Variants in CRPPA observed in about 807,000 individuals in gnomAD.
The protein encoded by CRPPA is D-ribitol-5-phosphate cytidylyltransferase.
Under a neutral mutation model 52.0 loss-of-function variants are expected in CRPPA, and 43 were observed. The ratio of observed to expected loss-of-function variants is 0.83; its 90% CI spans 0.65 to 1.07. The LOEUF (loss-of-function observed/expected upper bound fraction) is 1.07, where lower values mean the gene tolerates loss of function less well. Ranked by LOEUF, CRPPA falls within the 50% of genes least tolerant of loss-of-function variation. CRPPA has a pLI of 0.00. For synonymous variants in CRPPA, 250 were observed against 203.5 expected, an observed-to-expected ratio of 1.23 and a Z score of -1.94; for missense variants, 629 against 551.7, an observed-to-expected ratio of 1.14 and a Z score of -1.40.
chr7:16,219,333 G>A (rs1782432709), intron 8 of CRPPA, among the ~76,000 whole-genome samples: 1 of 139,742 alleles, frequency 7.2e-6, no homozygotes, highest in Non-Finnish European at 1.5e-5. Flanking sequence ...GCCCACAAGA[G>A]AAAGCAGGAA....
chr7:16,130,577 C>T (rs1210578705), intron 9 of CRPPA, among the ~76,000 whole-genome samples: 1 of 152,200 alleles, frequency 6.6e-6, no homozygotes, highest in Non-Finnish European at 1.5e-5. Flanking sequence ...CTCCACCCCT[C>T]CTTCTGTCAA....
At chr7:16,265,813 G>C (rs936757082) in intron 6 of CRPPA, among the ~76,000 whole-genome samples, 25 of 152,126 alleles carry the variant, frequency 1.6e-4, no homozygotes, top group African/African-American at 4.8e-4. Flanking sequence ...GTACACCTAT[G>C]CACGGGCAGG....
intron 9 of CRPPA, among the ~76,000 whole-genome samples, chr7:16,204,239 A>G (rs1781919208): frequency 1.3e-5 from 2 of 152,192 alleles, no homozygotes; most frequent in South Asian, 4.1e-4. Flanking sequence ...TCAGAAAACT[A>G]TATGACAATT....
At chr7:16,257,181 A>T (rs1384080701) in intron 8 of CRPPA, among the ~76,000 whole-genome samples, 2 of 152,130 alleles carry the variant, frequency 1.3e-5, no homozygotes, top group Non-Finnish European at 2.9e-5. Flanking sequence ...TTAAGTAACT[A>T]GACCAAGAAA....
At chr7:16,216,722 G>A (rs906567976) in intron 8 of CRPPA, among the ~76,000 whole-genome samples, 3 of 152,208 alleles carry the variant, frequency 2.0e-5, no homozygotes, top group Admixed American at 2.0e-4. Flanking sequence ...CGAATATTGC[G>A]CTTTTCGGAC....
rs193140348 is a variant in CRPPA at position 16,125,239 on chromosome 7, G to A, written c.1252-33440C>T. 9.2e-4 allele frequency among the ~76,000 whole-genome samples: 112 copies of A among 121,922 alleles called. No individual in the cohort carries two copies. The East Asian group carries it at 0.025, about 28-fold the overall frequency. The allele number at this position is 121,922 out of a possible 152,430, so 80.0% of individuals were successfully genotyped here. Reference sequence around the variant, plus strand: ...CATACCACTGCACTCCAGCCTGGGTGACAGATGGAGACTGTCTCAAAAAAA... The same window carrying A: ...CATACCACTGCACTCCAGCCTGGGTAACAGATGGAGACTGTCTCAAAAAAA... On this transcript the variant is annotated intron_variant, in intron 9 of 9. Transcript: ENST00000407010.
chr7:16,191,528 C>A (rs376942738), intron 9 of CRPPA, among the ~76,000 whole-genome samples: 2 of 152,068 alleles, frequency 1.3e-5, no homozygotes, highest in Non-Finnish European at 2.9e-5. Flanking sequence ...AGAATTGCCT[C>A]GGCACTGTGT....
At chr7:16,364,522 T>C (rs1254122696) in intron 3 of CRPPA, among the ~76,000 whole-genome samples, 3 of 152,218 alleles carry the variant, frequency 2.0e-5, no homozygotes, top group Non-Finnish European at 2.9e-5. Context: ...TTATTTCAAC[T>C]AATGTTTTCA....
In CRPPA at chr7:16,414,350, AACACACACACACACAC is replaced by A. The variant is rs3085030; in HGVS notation, c.257+6700_257+6715del. On this transcript the variant is annotated intron_variant, in intron 1 of 9. Transcript: ENST00000407010. The stretch of plus-strand genomic sequence containing the variant: ...TCCAGGTTGACCACCCCCCTACCCC[AACACACACACACACAC>A]ACACACACACACACACACACACACA... Among the ~76,000 whole-genome samples the A allele has an allele frequency of 6.3e-4, 87 of 138,764 alleles. 1 individual carries two copies. Among genetic ancestry groups the A allele is most frequent in the African/African-American group, 1.2e-3 (48 of 38,760 alleles). The allele number at this position is 138,764 out of a possible 152,430, so 91.0% of individuals were successfully genotyped here. A position where few individuals can be genotyped will look rare whatever the true frequency, so the allele number is the denominator to read the frequency against.
chr7:16,369,528 T>C (rs1278923772), intron 3 of CRPPA, among the ~76,000 whole-genome samples: 1 of 152,138 alleles, frequency 6.6e-6, no homozygotes, highest in African/African-American at 2.4e-5. Flanking sequence ...TAAAACAGTA[T>C]AAAATAATAT....
At chr7:16,372,923 G>A (rs865861809) in intron 3 of CRPPA, among the ~76,000 whole-genome samples, 2 of 152,234 alleles carry the variant, frequency 1.3e-5, no homozygotes, top group Non-Finnish European at 2.9e-5. Flanking sequence ...ATACATGATA[G>A]ATGCTGCTAC....
At chr7:16,374,877 A>G (rs1469284743) in intron 3 of CRPPA, among the ~76,000 whole-genome samples, 1 of 152,192 alleles carries the variant, frequency 6.6e-6, no homozygotes, top group African/African-American at 2.4e-5. Flanking sequence ...TTCTCTACTC[A>G]ATATGTATAA....
chr7:16,198,958 T>C (rs1472093187), intron 9 of CRPPA, among the ~76,000 whole-genome samples: 2 of 152,214 alleles, frequency 1.3e-5, no homozygotes, highest in African/African-American at 2.4e-5. Context: ...ATCAGCAGAA[T>C]AGGAACCTCT....
At chr7:16,104,312 G>A (rs1452887917) in intron 9 of CRPPA, among the ~76,000 whole-genome samples, 1 of 152,154 alleles carries the variant, frequency 6.6e-6, no homozygotes, top group Non-Finnish European at 1.5e-5. Context: ...CTTTCTCAAG[G>A]TCACAGATGG....
chr7:16,152,050 C>T (rs1036976899), intron 9 of CRPPA, among the ~76,000 whole-genome samples: 5 of 151,866 alleles, frequency 3.3e-5, no homozygotes, highest in African/African-American at 1.2e-4. Context: ...ATCTATGTCC[C>T]ATTCCTCCAT....
intron 9 of CRPPA, among the ~76,000 whole-genome samples, chr7:16,187,272 T>A (rs1427953064): frequency 6.6e-6 from 1 of 152,218 alleles, no homozygotes; most frequent in Non-Finnish European, 1.5e-5. Context: ...ATTTAATTAG[T>A]CATGGTACAC....
rs886713353 is a variant in CRPPA, at chr7:16,089,366, G to A, written c.*2329C>T. ...TGCGTACGTATATACATACATACAT[G>A]CATGTACATATATACGTATATATGT... On this transcript the variant is annotated 3_prime_UTR_variant, in exon 10 of 10. Transcript: ENST00000407010. The A allele has an allele frequency of 6.6e-6, 2 of 302,624 alleles. No individual in the cohort carries two copies. The highest frequency in any genetic ancestry group is 5.3e-5 in the African/African-American group (2 of 38,080). 18.7% of individuals were successfully genotyped at this position (302,624 alleles called of 1,614,324 possible). A position where few individuals can be genotyped will look rare whatever the true frequency, so the allele number is the denominator to read the frequency against.
chr7:16,200,116 C>T (rs1781818340), intron 9 of CRPPA, among the ~76,000 whole-genome samples: 1 of 152,104 alleles, frequency 6.6e-6, no homozygotes, highest in Non-Finnish European at 1.5e-5. Context: ...CCTTGGCCTC[C>T]CAAAGTGCTG....
intron 2 of CRPPA, among the ~76,000 whole-genome samples, chr7:16,394,378 G>T (rs1400527229): frequency 6.6e-6 from 1 of 152,118 alleles, no homozygotes; most frequent in Non-Finnish European, 1.5e-5. Flanking sequence ...TGCAAAGCAT[G>T]TTTTAAAATC....
Sources: gnomAD v4.1 joint callset for allele counts (sites outside exome capture counted in the v4.1 genomes callset) on GRCh38, gnomAD v4.1.1 for gene constraint, MANE v1.5 for transcripts, NCBI Gene and HGNC (gene_info 2026-07-23, HGNC 2026-07-21) for gene names.